Variants in NARS2 observed in about 807,000 individuals in gnomAD.
The protein encoded by NARS2 is asparaginyl-tRNA synthetase 2, mitochondrial.
NARS2 carries 60 observed loss-of-function variants against 62.9 expected under a neutral mutation model. The ratio of observed to expected loss-of-function variants is 0.95; its 90% CI spans 0.77 to 1.18. The LOEUF is 1.18. NARS2 is among the 50% of genes most tolerant of loss of function. The pLI, the probability that NARS2 is intolerant of heterozygous loss-of-function variation, is 0.00. For synonymous variants in NARS2, 196 were observed against 200.0 expected, an observed-to-expected ratio of 0.98 and a Z score of 0.17; for missense variants, 619 against 576.4, an observed-to-expected ratio of 1.07 and a Z score of -0.76.
At chr11:78,536,403 T>C (rs1590827875) in intron 5 of NARS2, among the ~76,000 whole-genome samples, 1 of 152,322 alleles carries the variant, frequency 6.6e-6, no homozygotes, top group East Asian at 1.9e-4. Context: ...CCATGTGTGT[T>C]ACTGCCCCTG....
chr11:78,528,361 G>A (rs1233636502), intron 6 of NARS2, among the ~76,000 whole-genome samples: 4 of 152,066 alleles, frequency 2.6e-5, no homozygotes, highest in African/African-American at 9.7e-5. Context: ...ACTTTCCAGA[G>A]GTCTGACAGT....
At chr11:78,521,345 T>C (rs896745408) in intron 6 of NARS2, among the ~76,000 whole-genome samples, 2 of 152,068 alleles carry the variant, frequency 1.3e-5, no homozygotes, top group African/African-American at 4.8e-5. Context: ...TTTTTTTGTT[T>C]GTTTGTTTGT....
intron 5 of NARS2, among the ~76,000 whole-genome samples, chr11:78,540,839 C>T (rs190839751): frequency 1.4e-4 from 21 of 152,180 alleles, no homozygotes; most frequent in Admixed American, 9.8e-4. Flanking sequence ...ATGCCTTTCA[C>T]GATACAGATA....
intron 11 of NARS2, chr11:78,444,011 A>C (rs1857664178): frequency 1.3e-5 from 3 of 239,578 alleles, no homozygotes; most frequent in Non-Finnish European, 2.4e-5. Context: ...AGTGTTAAAA[A>C]TTATGAAACA....
intron 5 of NARS2, among the ~76,000 whole-genome samples, chr11:78,534,517 C>G (rs1449338267): frequency 1.3e-5 from 2 of 152,142 alleles, no homozygotes; most frequent in African/African-American, 4.8e-5. Context: ...CTGTAAGTTC[C>G]TTTAGGCTGC....
chr11:78,476,562 A>AT (rs1262097749), intron 9 of NARS2, among the ~76,000 whole-genome samples: 1 of 152,074 alleles, frequency 6.6e-6, no homozygotes, highest in Non-Finnish European at 1.5e-5. Flanking sequence ...AAATTTTGGG[A>AT]TTTTCAAAAA....
intron 6 of NARS2, among the ~76,000 whole-genome samples, chr11:78,504,436 T>TTGG (rs57657810): frequency 0.76 from 90,712 of 118,726 alleles, 32,043 homozygotes; most frequent in Non-Finnish European, 0.83. Flanking sequence ...AAACACCAGT[T>TTGG]TTTTTTTTTT....
chr11:78,460,974 AG>A (rs1374724964), intron 11 of NARS2, among the ~76,000 whole-genome samples: 4 of 152,252 alleles, frequency 2.6e-5, no homozygotes, highest in African/African-American at 7.2e-5. Flanking sequence ...ACATTGTATT[AG>A]GTATTATAAG....
rs1299288142 is a variant in NARS2 at position 78,574,538 on chromosome 11, G to C, written c.-50C>G. On this transcript the variant is annotated 5_prime_UTR_variant, in exon 1 of 14. Transcript: ENST00000281038. ...GGGAGCAGCCCAGACCCCACGGTTCGAACCCCGCCTGCAGCGGCCCTCCTT... is the reference window on the plus strand; with the variant it reads ...GGGAGCAGCCCAGACCCCACGGTTCCAACCCCGCCTGCAGCGGCCCTCCTT... The C allele has an allele frequency of 2.6e-6, 4 of 1,528,372 alleles. No homozygotes were observed. The highest frequency in any genetic ancestry group is 3.5e-6 in the Non-Finnish European group (4 of 1,139,712). 94.7% of individuals were successfully genotyped at this position (1,528,372 alleles called of 1,614,324 possible). A position where few individuals can be genotyped will look rare whatever the true frequency, so the allele number is the denominator to read the frequency against.
Position 78,537,336 on chromosome 11 carries a change from TCAGA to T in NARS2, c.595-8404_595-8401del, listed in dbSNP as rs1288228435. Among the ~76,000 whole-genome samples, 13 of 152,326 alleles carry T rather than the reference TCAGA, an allele frequency of 8.5e-5. No homozygotes were observed. The South Asian group carries it at 2.1e-3, about 24-fold the overall frequency. On this transcript the variant is annotated intron_variant, in intron 5 of 13. Coordinates refer to ENST00000281038, the MANE Select transcript of NARS2 (RefSeq NM_024678.6). ...TGTGACCAAGAGGGAGATAAAGTCCTCAGACAGAGTACAGATAGTACCAGGAAGC... is the reference window on the plus strand; with the variant it reads ...TGTGACCAAGAGGGAGATAAAGTCCTCAGAGTACAGATAGTACCAGGAAGC...
At chr11:78,535,180 T>C (rs1861625830) in intron 5 of NARS2, among the ~76,000 whole-genome samples, 1 of 152,196 alleles carries the variant, frequency 6.6e-6, no homozygotes, top group Non-Finnish European at 1.5e-5. Context: ...TTGTGGCAGA[T>C]AGTGTGATGT....
At chr11:78,522,103 C>G (rs1401314199) in intron 6 of NARS2, among the ~76,000 whole-genome samples, 2 of 151,204 alleles carry the variant, frequency 1.3e-5, no homozygotes, top group Admixed American at 6.6e-5. Flanking sequence ...CTGGTATGTG[C>G]CACTACATCC....
chr11:78,459,694 G>GT (rs1428318755), intron 11 of NARS2, among the ~76,000 whole-genome samples: 1 of 152,208 alleles, frequency 6.6e-6, no homozygotes, highest in Admixed American at 6.5e-5. Context: ...ATGTGGAACT[G>GT]TGAGTCCATT....
chr11:78,444,886 A>G (rs902965614), intron 11 of NARS2, among the ~76,000 whole-genome samples: 1 of 152,234 alleles, frequency 6.6e-6, no homozygotes, highest in African/African-American at 2.4e-5. Flanking sequence ...ATTTGGCAAC[A>G]GATAACCAAA....
chr11:78,437,382 C>A (rs954116037), intron 13 of NARS2, among the ~76,000 whole-genome samples: 6 of 152,252 alleles, frequency 3.9e-5, no homozygotes, highest in African/African-American at 1.4e-4. Context: ...TGTTTGAAGG[C>A]ACAAAAATAT....
At chr11:78,528,529 G>A (rs1427853983) in intron 6 of NARS2, among the ~76,000 whole-genome samples, 4 of 151,998 alleles carry the variant, frequency 2.6e-5, no homozygotes, top group African/African-American at 7.2e-5. Context: ...ACTAATACCC[G>A]GTTCAGGTAT....
rs201591441 is a variant in NARS2 at position 78,441,084 on chromosome 11, T to C, written c.1289+7A>G. ...AGAGTAAGAATTATTAGGGGCCACA[T>C]TCTTACCATTGGTAGACTTCTGTAA... On this transcript the variant is annotated splice_region_variant and intron_variant, in intron 13 of 13. Transcript: ENST00000281038. 3.4e-3 allele frequency: 5,506 copies of C among 1,611,924 alleles called. 21 individuals are homozygous for C. The highest frequency in any genetic ancestry group is 7.3e-3 in the South Asian group (662 of 90,842).
chr11:78,479,518 A>G (rs555866255), intron 7 of NARS2, among the ~76,000 whole-genome samples: 1 of 152,296 alleles, frequency 6.6e-6, no homozygotes, highest in South Asian at 2.1e-4. Flanking sequence ...TCAAAAAACA[A>G]CAAAAAAAAG....
intron 11 of NARS2, among the ~76,000 whole-genome samples, chr11:78,450,511 A>C (rs1591131676): frequency 6.6e-6 from 1 of 152,124 alleles, no homozygotes; most frequent in East Asian, 1.9e-4. Flanking sequence ...TTTCCTTGAC[A>C]AGAGTGCAAA....
Sources: allele counts gnomAD v4.1 joint callset (sites outside exome capture counted in the v4.1 genomes callset), GRCh38; gene constraint gnomAD v4.1.1; transcripts MANE v1.5; gene names NCBI Gene and HGNC (gene_info 2026-07-23, HGNC 2026-07-21).